TNIK: variants seen among roughly 807,000 people sequenced by gnomAD.
TNIK encodes TRAF2 and NCK-interacting protein kinase.
In TNIK, 49 loss-of-function variants were observed where a neutral mutation model predicts 191.3. The ratio of observed to expected loss-of-function variants is 0.26; its 90% CI spans 0.20 to 0.32. The LOEUF is 0.32. Ranked by LOEUF, TNIK falls within the 10% of genes least tolerant of loss-of-function variation. The pLI is 1.00. For missense variants in TNIK, 1,155 were observed against 1,702.3 expected, an observed-to-expected ratio of 0.68 and a Z score of 5.66; for synonymous variants, 594 against 600.9, an observed-to-expected ratio of 0.99 and a Z score of 0.17.
intron 2 of TNIK, among the ~76,000 whole-genome samples, chr3:171,324,836 C>T (rs1755561211): frequency 6.6e-6 from 1 of 152,072 alleles, no homozygotes. Context: ...CGGTGGCTCA[C>T]GCCTGTAATC....
At chr3:171,428,405 A>C (rs1328797515) in intron 1 of TNIK, among the ~76,000 whole-genome samples, 3 of 152,192 alleles carry the variant, frequency 2.0e-5, no homozygotes, top group Non-Finnish European at 4.4e-5. Flanking sequence ...CTCTGTATTG[A>C]GATAAGCAAG....
chr3:171,093,808 T>C (rs1195539326), intron 23 of TNIK, 31 bp downstream of exon 23: 2 of 1,610,338 alleles, frequency 1.2e-6, no homozygotes, highest in South Asian at 2.2e-5. Flanking sequence ...AGAAATGGCA[T>C]TTCCTCTACA....
chr3:171,196,533 T>A (rs1315142487), intron 4 of TNIK, among the ~76,000 whole-genome samples: 1 of 152,094 alleles, frequency 6.6e-6, no homozygotes, highest in Non-Finnish European at 1.5e-5. Context: ...CAACAAAATC[T>A]AGACCAGGAT....
intron 1 of TNIK, among the ~76,000 whole-genome samples, chr3:171,374,407 T>A (rs1330386662): frequency 6.6e-6 from 1 of 152,214 alleles, no homozygotes; most frequent in African/African-American, 2.4e-5. Context: ...CTGTACCTAA[T>A]AATCATGTTA....
chr3:171,183,808 C>A (rs1241891683), intron 7 of TNIK, among the ~76,000 whole-genome samples: 4 of 151,200 alleles, frequency 2.6e-5, no homozygotes, highest in Admixed American at 6.6e-5. Context: ...GTAATCCCAG[C>A]TACTCAGGAG....
intron 21 of TNIK, among the ~76,000 whole-genome samples, chr3:171,104,716 T>C (rs1724416321): frequency 6.6e-6 from 1 of 152,190 alleles, no homozygotes; most frequent in East Asian, 1.9e-4. Flanking sequence ...AGCTTTTTTT[T>C]CTCTTTGTAT....
At chr3:171,092,298 C>A (rs1156686935) in intron 23 of TNIK, among the ~76,000 whole-genome samples, 1 of 152,102 alleles carries the variant, frequency 6.6e-6, no homozygotes, top group Non-Finnish European at 1.5e-5. Context: ...TACTGGAGTG[C>A]TATAAATAAC....
chr3:171,166,630 T>TA (rs1435010571), intron 10 of TNIK, among the ~76,000 whole-genome samples: 2 of 152,298 alleles, frequency 1.3e-5, no homozygotes, highest in South Asian at 4.1e-4. Context: ...ACTGCAACTA[T>TA]AAAAAAATTA....
Position 171,325,142 on chromosome 3 carries a change from T to C in TNIK, c.123+44478A>G, listed in dbSNP as rs191101078. Among the ~76,000 whole-genome samples, 110 of 151,922 alleles carry C rather than the reference T, an allele frequency of 7.2e-4. 3 individuals are homozygous for C. In the East Asian group the frequency reaches 0.018, roughly 25 times the overall value. On this transcript the variant is annotated intron_variant, in intron 2 of 32. Transcript: ENST00000436636. The stretch of plus-strand genomic sequence containing the variant: ...AATAAATAAAACAAAAGAGAAGAAC[T>C]CAGATTGGCTGGTGCTGTTTCTAAC...
intron 2 of TNIK, among the ~76,000 whole-genome samples, chr3:171,358,428 G>A (rs1264314667): frequency 6.6e-6 from 1 of 152,056 alleles, no homozygotes; most frequent in Non-Finnish European, 1.5e-5. Flanking sequence ...AAAACCATCA[G>A]GTCTCTTGAG....
Position 171,059,368 on chromosome 3 carries a change from C to T in TNIK, c.*4513G>A, listed in dbSNP as rs547844357. Among the ~76,000 whole-genome samples the T allele has an allele frequency of 3.7e-4, 57 of 152,208 alleles. No individual in the cohort carries two copies. Among genetic ancestry groups the T allele is most frequent in the African/African-American group, 1.3e-3 (56 of 41,536 alleles). Reference sequence around the variant, plus strand: ...GGATTTTTATTTTGGTATATTCTGGCACTTCCTGGAATGGCAGGTCTAGAA... The same window carrying T: ...GGATTTTTATTTTGGTATATTCTGGTACTTCCTGGAATGGCAGGTCTAGAA... On this transcript the variant is annotated 3_prime_UTR_variant, in exon 33 of 33. Transcript: ENST00000436636.
At chr3:171,351,419 TAATCA>T (rs1048095248) in intron 2 of TNIK, among the ~76,000 whole-genome samples, 3 of 152,192 alleles carry the variant, frequency 2.0e-5, no homozygotes, top group African/African-American at 7.2e-5. Flanking sequence ...TCTATATAAT[TAATCA>T]AAAGAACTAT....
rs193246041 is a variant in TNIK at position 171,302,578 on chromosome 3, C to A, written c.123+67042G>T. ...CTCCAATGGGAACCCGAACATTAGA[C>A]TTTAAAATTTTCTTTTGAATTATGA... On this transcript the variant is annotated intron_variant, in intron 2 of 32. Coordinates refer to ENST00000436636, the MANE Select transcript of TNIK (RefSeq NM_015028.4). Among the ~76,000 whole-genome samples, 211 of 152,294 alleles carry A rather than the reference C, an allele frequency of 1.4e-3. 4 individuals are homozygous for A. The East Asian group carries it at 0.032, about 23-fold the overall frequency.
chr3:171,416,137 C>T (rs901110911), intron 1 of TNIK, among the ~76,000 whole-genome samples: 4 of 152,000 alleles, frequency 2.6e-5, no homozygotes, highest in Non-Finnish European at 4.4e-5. Context: ...TAAGCAAAAA[C>T]TGACAGATAA....
intron 18 of TNIK, among the ~76,000 whole-genome samples, chr3:171,117,190 T>C (rs1296767069): frequency 6.6e-6 from 1 of 152,194 alleles, no homozygotes; most frequent in Non-Finnish European, 1.5e-5. Flanking sequence ...GTTAACAGAC[T>C]CACTGAAGCA....
chr3:171,294,344 A>G (rs1752021236), intron 2 of TNIK, among the ~76,000 whole-genome samples: 1 of 152,196 alleles, frequency 6.6e-6, no homozygotes, highest in Non-Finnish European at 1.5e-5. Context: ...GGATCACCTG[A>G]GCTGAGGACA....
Position 171,060,801 on chromosome 3 carries a change from T to A in TNIK, c.*3080A>T, listed in dbSNP as rs536949673. On this transcript the variant is annotated 3_prime_UTR_variant, in exon 33 of 33. Transcript: ENST00000436636. ...ATCTTTGACTGGCACCCAGGAATGA[T>A]GGTCACCTGCCAGACCCCAGACCCA... Among the ~76,000 whole-genome samples, 14 of 152,086 alleles carry A rather than the reference T, an allele frequency of 9.2e-5. No homozygotes were observed. Among genetic ancestry groups the A allele is most frequent in the Non-Finnish European group, 1.8e-4 (12 of 68,008 alleles).
intron 1 of TNIK, among the ~76,000 whole-genome samples, chr3:171,384,766 T>G (rs995879809): frequency 1.3e-5 from 2 of 152,064 alleles, no homozygotes; most frequent in Non-Finnish European, 2.9e-5. Context: ...GAAATATAAA[T>G]GAAGAGAAGC....
chr3:171,415,998 G>GAAAAA (rs58082222), intron 1 of TNIK, among the ~76,000 whole-genome samples: 1 of 86,674 alleles, frequency 1.2e-5, no homozygotes. Context: ...AAAAAAAAAA[G>GAAAAA]AAAGAAAAAG....
Sources: gnomAD v4.1 joint callset for allele counts (sites outside exome capture counted in the v4.1 genomes callset) on GRCh38, gnomAD v4.1.1 for gene constraint, MANE v1.5 for transcripts, NCBI Gene and HGNC (gene_info 2026-07-23, HGNC 2026-07-21) for gene names.